GTF2I: variants seen among roughly 807,000 people sequenced by gnomAD.
GTF2I encodes general transcription factor II-I.
GTF2I carries 12 observed loss-of-function variants against 67.6 expected under a neutral mutation model. The observed-to-expected ratio is 0.18, with a 90% confidence interval of 0.11 to 0.29. GTF2I has a LOEUF of 0.29. GTF2I is among the 10% of genes least tolerant of loss of function. The pLI is 1.00. For missense variants in GTF2I, 271 were observed against 580.1 expected (o/e 0.47, Z 5.47); for synonymous variants, 149 against 197.0 (o/e 0.76, Z 2.04).
At chr7:74,702,319 G>C (rs144423542) in intron 6 of GTF2I, among the ~76,000 whole-genome samples, 1 of 151,560 alleles carries the variant, frequency 6.6e-6, no homozygotes, top group African/African-American at 2.4e-5. Context: ...CCTCCGCCTC[G>C]TGGATTCAAG....
intron 1 of GTF2I, among the ~76,000 whole-genome samples, chr7:74,661,084 G>A (rs1474745184): frequency 6.6e-6 from 1 of 152,172 alleles, no homozygotes; most frequent in African/African-American, 2.4e-5. Flanking sequence ...GGAGAGTTCT[G>A]TACTCTTGCT....
At chr7:74,706,357 C>A (rs781942868) in intron 7 of GTF2I, 33 bp from the exon 8 acceptor site, 1 of 1,601,500 alleles carries the variant, frequency 6.2e-7, no homozygotes, top group Non-Finnish European at 8.6e-7. Context: ...GTCACCAGCA[C>A]GTGGCTTGAT....
intron 1 of GTF2I, among the ~76,000 whole-genome samples, chr7:74,675,997 A>C (rs1385823423): frequency 6.6e-6 from 1 of 151,982 alleles, no homozygotes; most frequent in South Asian, 2.1e-4. Context: ...GTGACAGAGC[A>C]AGACTCCATC....
At chr7:74,732,751 G>T in intron 15 of GTF2I, 89 bp downstream of exon 15, 2 of 1,515,748 alleles carry the variant, frequency 1.3e-6, no homozygotes, top group African/African-American at 2.8e-5. Context: ...TCACCACTAG[G>T]TTCTATGTGA....
chr7:74,666,811 CAAA>C (rs61609037), intron 1 of GTF2I, among the ~76,000 whole-genome samples: 91 of 129,118 alleles, frequency 7.0e-4, no homozygotes, highest in African/African-American at 1.7e-3. Flanking sequence ...ACTAAAAATA[CAAA>C]AAAAAAAAAA....
At position 74,705,156 on chromosome 7, in the gene GTF2I, G is replaced by A; in HGVS notation, c.587-8G>A. ...AAACTAACTCCAATTTTTTTTTTTTGTATGTAGGTGGTCGTGTGATGGTAA... is the reference window on the plus strand; with the variant it reads ...AAACTAACTCCAATTTTTTTTTTTTATATGTAGGTGGTCGTGTGATGGTAA... On this transcript the variant is annotated splice_region_variant and splice_polypyrimidine_tract_variant and intron_variant, in intron 6 of 34. Transcript: ENST00000573035. 1 of 1,523,344 alleles carries A rather than the reference G, an allele frequency of 6.6e-7. No homozygotes were observed. The highest frequency in any genetic ancestry group is 1.2e-5 in the South Asian group (1 of 85,726). The allele number at this position is 1,523,344 out of a possible 1,614,324, so 94.4% of individuals were successfully genotyped here.
At chr7:74,666,374 A>G (rs1181067301) in intron 1 of GTF2I, among the ~76,000 whole-genome samples, 2 of 152,186 alleles carry the variant, frequency 1.3e-5, no homozygotes, top group African/African-American at 4.8e-5. Context: ...ACTTTAATGC[A>G]CTTAAATTAC....
intron 12 of GTF2I, 80 bp downstream of exon 12, chr7:74,719,021 C>T (rs1172100032): frequency 4.7e-5 from 33 of 708,674 alleles, no homozygotes; most frequent in Non-Finnish European, 7.6e-5. Flanking sequence ...GCTAAATATG[C>T]ATTTCATTCA....
At chr7:74,678,147 T>A (rs2067347109) in intron 1 of GTF2I, among the ~76,000 whole-genome samples, 1 of 151,346 alleles carries the variant, frequency 6.6e-6, no homozygotes, top group African/African-American at 2.4e-5. Flanking sequence ...CTTCACCTCC[T>A]GGGCTCAAGC....
intron 1 of GTF2I, among the ~76,000 whole-genome samples, chr7:74,681,987 T>TGAA (rs1474071300): frequency 6.6e-6 from 1 of 152,136 alleles, no homozygotes; most frequent in Non-Finnish European, 1.5e-5. Flanking sequence ...GTGGTACGCA[T>TGAA]GAAGGTGCAT....
In GTF2I at chr7:74,741,042, G is replaced by T. The variant is rs1389661033; in HGVS notation, c.1679-2407G>T. Among the ~76,000 whole-genome samples, 33 of 33,858 alleles carry T rather than the reference G, an allele frequency of 9.7e-4. 13 individuals are homozygous for T. The highest frequency in any genetic ancestry group is 4.4e-3 in the African/African-American group (33 of 7,494). The allele number at this position is 33,858 out of a possible 152,430, so 22.2% of individuals were successfully genotyped here. A position where few individuals can be genotyped will look rare whatever the true frequency, so the allele number is the denominator to read the frequency against. On this transcript the variant is annotated intron_variant, in intron 19 of 34. Transcript: ENST00000573035. ...TGTCCACATCAGTGATATTCTACATGTCTTTATAATAGCTTTTTTGTTTGT... is the reference window on the plus strand; with the variant it reads ...TGTCCACATCAGTGATATTCTACATTTCTTTATAATAGCTTTTTTGTTTGT...
At chr7:74,665,595 T>C (rs1169356145) in intron 1 of GTF2I, among the ~76,000 whole-genome samples, 1 of 152,184 alleles carries the variant, frequency 6.6e-6, no homozygotes, top group African/African-American at 2.4e-5. Context: ...GTTTCGCTTC[T>C]AAGAGCTGTT....
At chr7:74,712,191 TC>T (rs1554402698) in intron 9 of GTF2I, among the ~76,000 whole-genome samples, 1 of 152,122 alleles carries the variant, frequency 6.6e-6, no homozygotes, top group Non-Finnish European at 1.5e-5. Context: ...CCTCAGGTGA[TC>T]CACCCGCCTT....
chr7:74,665,166 T>C (rs1261987505), intron 1 of GTF2I, among the ~76,000 whole-genome samples: 1 of 151,826 alleles, frequency 6.6e-6, no homozygotes, highest in African/African-American at 2.4e-5. Context: ...GGTCTCGAAC[T>C]CCTGACCTCA....
chr7:74,688,349 G>T (rs1787931679), intron 1 of GTF2I, among the ~76,000 whole-genome samples: 1 of 152,170 alleles, frequency 6.6e-6, no homozygotes. Context: ...AAAGAGCTGG[G>T]ATTAGAGACA....
rs141283419 is a variant in GTF2I at position 74,660,710 on chromosome 7, C to T, written c.-6+2642C>T. Among the ~76,000 whole-genome samples, 848 of 151,434 alleles carry T rather than the reference C, an allele frequency of 5.6e-3. 10 individuals carry two copies. The highest frequency in any genetic ancestry group is 0.02 in the African/African-American group (805 of 41,270). On this transcript the variant is annotated intron_variant, in intron 1 of 34. Transcript: ENST00000573035. ...GATCTCGGCTCACTGCAACCTCCGC[C>T]TCCCGGGTTCAAGCGATTCTCCTGC...
chr7:74,679,930 A>G (rs587742287), intron 1 of GTF2I, among the ~76,000 whole-genome samples: 1 of 151,374 alleles, frequency 6.6e-6, no homozygotes, highest in Non-Finnish European at 1.5e-5. Context: ...AAAATAGAAA[A>G]ATTATCTGGG....
At chr7:74,717,082 C>G in intron 11 of GTF2I, 132 bp downstream of exon 11, 2 of 1,312,430 alleles carry the variant, frequency 1.5e-6, no homozygotes, top group Non-Finnish European at 2.0e-6. Context: ...TCCTAGCCAA[C>G]AGGTTATTAT....
chr7:74,670,261 A>G (rs190884190), intron 1 of GTF2I, among the ~76,000 whole-genome samples: 3 of 152,302 alleles, frequency 2.0e-5, no homozygotes, highest in East Asian at 3.9e-4. Flanking sequence ...TTTCCAGACT[A>G]GTAAATTTGG....
Sources: allele counts gnomAD v4.1 joint callset (sites outside exome capture counted in the v4.1 genomes callset), GRCh38; gene constraint gnomAD v4.1.1; transcripts MANE v1.5; gene names NCBI Gene and HGNC (gene_info 2026-07-23, HGNC 2026-07-21).